FBLN1: variants seen among roughly 807,000 people sequenced by gnomAD.
FBLN1 encodes the protein fibulin-1.
Under a neutral mutation model 89.7 loss-of-function variants are expected in FBLN1, and 34 were observed. The ratio of observed to expected loss-of-function variants is 0.38; its 90% CI spans 0.29 to 0.50. The LOEUF (loss-of-function observed/expected upper bound fraction) is 0.50. FBLN1 is among the 20% of genes least tolerant of loss of function. FBLN1 has a pLI of 0.92. For synonymous variants in FBLN1, 393 were observed against 391.3 expected, an observed-to-expected ratio of 1.00 and a Z score of -0.05; for missense variants, 777 against 988.1, an observed-to-expected ratio of 0.79 and a Z score of 2.86.
At chr22:45,541,667 C>T (rs997052112) in intron 9 of FBLN1, among the ~76,000 whole-genome samples, 14 of 152,246 alleles carry the variant, frequency 9.2e-5, no homozygotes, top group Admixed American at 1.3e-4. Flanking sequence ...CCTCTGCTTA[C>T]AGTCCAGTCC....
At chr22:45,552,846 C>G (rs1457796273) in intron 14 of FBLN1, among the ~76,000 whole-genome samples, 2 of 151,454 alleles carry the variant, frequency 1.3e-5, no homozygotes, top group African/African-American at 2.4e-5. Context: ...CAATTCCCTT[C>G]TGCCCGCAGG....
At chr22:45,535,414 A>G (rs1393708928) in intron 8 of FBLN1, 77 bp downstream of exon 8, 2 of 1,572,392 alleles carry the variant, frequency 1.3e-6, no homozygotes, top group Non-Finnish European at 8.7e-7. Flanking sequence ...GGCCTCTAGA[A>G]TCTGCGGGGC....
chr22:45,548,535 C>T (rs1182850996), intron 12 of FBLN1, 78 bp from the exon 13 acceptor site: 2 of 1,596,924 alleles, frequency 1.3e-6, no homozygotes, highest in Non-Finnish European at 1.7e-6. Flanking sequence ...CAGTGCAGCC[C>T]CCAGGGCGAT....
chr22:45,580,233 GC>G lies in FBLN1; in HGVS notation c.1972+3126del, dbSNP rs1296940327. Among the ~76,000 whole-genome samples the G allele has an allele frequency of 6.6e-6, 1 of 152,170 alleles. No individual in the cohort carries two copies. Among genetic ancestry groups the G allele is most frequent in the African/African-American group, 2.4e-5 (1 of 41,450 alleles). ...CTTCATGGTGGTGGAGAGGAAGAAA[GC>G]GGCTTCCAGGGCTGCTGCTCCTGGT... On this transcript the variant is annotated intron_variant, in intron 16 of 16. Coordinates refer to ENST00000327858, the MANE Select transcript of FBLN1 (RefSeq NM_006486.3). This position sits in a 1 kb window ranked among gnomAD's most constrained non-coding sequence, Gnocchi z 8.6.
chr22:45,533,038 T>C, intron 5 of FBLN1, 25 bp from the exon 6 acceptor site: 2 of 1,602,598 alleles, frequency 1.2e-6, no homozygotes, highest in Non-Finnish European at 1.7e-6. Context: ...CGTCCATCCC[T>C]GGCTCATGCA....
At chr22:45,526,882 C>T (rs540995816) in intron 3 of FBLN1, among the ~76,000 whole-genome samples, 4 of 152,308 alleles carry the variant, frequency 2.6e-5, no homozygotes, top group Non-Finnish European at 4.4e-5. Context: ...GCCGTCGGTC[C>T]GGCACACAGC....
chr22:45,524,213 G>A (rs984257022), intron 2 of FBLN1, among the ~76,000 whole-genome samples: 1 of 152,244 alleles, frequency 6.6e-6, no homozygotes, highest in African/African-American at 2.4e-5. Context: ...CTGGCTGGCA[G>A]TGCAGGGAAG....
intron 16 of FBLN1, among the ~76,000 whole-genome samples, chr22:45,587,888 G>C (rs1034336266): frequency 3.3e-5 from 5 of 152,146 alleles, no homozygotes; most frequent in Non-Finnish European, 7.3e-5. Context: ...AGAGTGTGCA[G>C]CTCCTTCTTT....
intron 4 of FBLN1, among the ~76,000 whole-genome samples, chr22:45,529,663 C>T (rs1047719191): frequency 1.3e-5 from 2 of 152,086 alleles, no homozygotes; most frequent in South Asian, 2.1e-4. Flanking sequence ...GTCAGGAGTT[C>T]GAGACTAGCC....
intron 1 of FBLN1, chr22:45,517,643 C>T (rs1349504181): frequency 1.9e-5 from 9 of 471,024 alleles, no homozygotes; most frequent in African/African-American, 4.0e-5. Context: ...TTTGCCAGTC[C>T]TGTCCTCACC....
rs1379981352 is a variant in FBLN1, at chr22:45,583,429, A to T, written c.1972+6321A>T. Among the ~76,000 whole-genome samples, 1 of 152,218 alleles carries T rather than the reference A, an allele frequency of 6.6e-6. No homozygotes were observed. The highest frequency in any genetic ancestry group is 6.5e-5 in the Admixed American group (1 of 15,282). Reference sequence around the variant, plus strand: ...CACCTATATTACATTTAGGAAGGAAACGCCCTAATTGGAGACTCTGCATCT... The same window carrying T: ...CACCTATATTACATTTAGGAAGGAATCGCCCTAATTGGAGACTCTGCATCT... On this transcript the variant is annotated intron_variant, in intron 16 of 16. Coordinates refer to ENST00000327858, the MANE Select transcript of FBLN1 (RefSeq NM_006486.3). The surrounding 1 kb of genome is among the most constrained non-coding windows in gnomAD (Gnocchi z 4.5).
intron 2 of FBLN1, 38 bp from the exon 3 acceptor site, chr22:45,525,505 C>T (rs377564154): frequency 3.0e-5 from 47 of 1,547,352 alleles, no homozygotes; most frequent in Admixed American, 2.4e-4. Context: ...GGGCCCCCTG[C>T]GCACAGAGCC....
chr22:45,599,586 C>G (rs2089213988), intron 16 of FBLN1, among the ~76,000 whole-genome samples: 1 of 152,146 alleles, frequency 6.6e-6, no homozygotes, highest in African/African-American at 2.4e-5. Flanking sequence ...CTATCAGGTA[C>G]CCACTGCATG....
intron 16 of FBLN1, among the ~76,000 whole-genome samples, chr22:45,596,589 CAT>C (rs1474730699): frequency 1.3e-5 from 2 of 148,838 alleles, no homozygotes; most frequent in African/African-American, 4.9e-5. Flanking sequence ...CATATATCAA[CAT>C]AAGAATATGA....
At chr22:45,529,855 A>T (rs1336971368) in intron 4 of FBLN1, among the ~76,000 whole-genome samples, 1 of 152,158 alleles carries the variant, frequency 6.6e-6, no homozygotes, top group Non-Finnish European at 1.5e-5. Context: ...TGACAGAACG[A>T]GACTCAGTCT....
intron 8 of FBLN1, among the ~76,000 whole-genome samples, chr22:45,539,397 T>G (rs1332769321): frequency 1.3e-5 from 2 of 151,800 alleles, no homozygotes; most frequent in Non-Finnish European, 2.9e-5. Context: ...GATGGGGTTT[T>G]GCCGTGTTGG....
chr22:45,522,545 C>T (rs1253024271), intron 2 of FBLN1, among the ~76,000 whole-genome samples: 3 of 152,190 alleles, frequency 2.0e-5, no homozygotes, highest in East Asian at 3.9e-4. Context: ...AGGGAGAGGC[C>T]GACCTCTCCG....
At chr22:45,534,241 A>G (rs888570533) in intron 7 of FBLN1, among the ~76,000 whole-genome samples, 6 of 147,454 alleles carry the variant, frequency 4.1e-5, no homozygotes, top group Middle Eastern at 7.0e-3. Context: ...GTGCATGACT[A>G]TTTAAAATCA....
rs3191183 is a variant in FBLN1, at chr22:45,563,312, C to A, written c.1698-11199C>A. 1 of 1,612,088 alleles carries A rather than the reference C, an allele frequency of 6.2e-7. No individual in the cohort carries two copies. Among genetic ancestry groups the A allele is most frequent in the Non-Finnish European group, 8.5e-7 (1 of 1,179,934 alleles). On this transcript the variant is annotated intron_variant, in intron 14 of 16. Coordinates refer to ENST00000327858, the MANE Select transcript of FBLN1 (RefSeq NM_006486.3). The surrounding 1 kb of genome is among the most constrained non-coding windows in gnomAD (Gnocchi z 5.7). Reference sequence around the variant, plus strand: ...GGTCTCCCTCCTGTTGCTTTCCTAACCCTGCCCTCCGGGGCGTTAATAAAG... The same window carrying A: ...GGTCTCCCTCCTGTTGCTTTCCTAAACCTGCCCTCCGGGGCGTTAATAAAG...
Sources: allele counts gnomAD v4.1 joint callset (sites outside exome capture counted in the v4.1 genomes callset), GRCh38; gene constraint gnomAD v4.1.1; non-coding constraint Gnocchi (gnomAD v3.1); transcripts MANE v1.5; gene names NCBI Gene and HGNC (gene_info 2026-07-23, HGNC 2026-07-21).